The following REEP6 variants were observed in gnomAD, a reference collection of about 807,000 sequenced individuals.
REEP6 encodes receptor accessory protein 6.
Under a neutral mutation model 22.4 loss-of-function variants are expected in REEP6, and 19 were observed. The ratio of observed to expected loss-of-function variants is 0.85; its 90% confidence interval spans 0.59 to 1.25. The LOEUF (loss-of-function observed/expected upper bound fraction) is 1.25, where lower values mean the gene tolerates loss of function less well. Ranked by LOEUF, REEP6 falls within the 50% of genes most tolerant of loss-of-function variation. The pLI is 0.00. For synonymous variants in REEP6, 121 were observed against 113.6 expected, an observed-to-expected ratio of 1.06 and a Z score of -0.41; for missense variants, 273 against 251.9, an observed-to-expected ratio of 1.08 and a Z score of -0.57.
chr19:1,497,063 G>A lies in REEP6; in HGVS notation c.518-111G>A. 2 of 901,664 alleles carry A rather than the reference G, an allele frequency of 2.2e-6. No homozygotes were observed. The highest frequency in any genetic ancestry group is 1.6e-6 in the Non-Finnish European group (1 of 614,218). The allele number at this position is 901,664 out of a possible 1,614,324, so 55.9% of individuals were successfully genotyped here. On this transcript the variant is annotated intron_variant, in intron 4 of 4. Coordinates refer to ENST00000233596, the MANE Select transcript of REEP6 (RefSeq NM_138393.4). This position sits in a 1 kb window ranked among gnomAD's most constrained non-coding sequence, Gnocchi z 6.5. ...CATCTCTGCTGAGGGTGGCTGCCCG[G>A]CCCCTCGACTTGTCATGCTCATAGC...
intron 1 of REEP6, among the ~76,000 whole-genome samples, chr19:1,493,287 T>C (rs2145475086): frequency 6.6e-6 from 1 of 152,124 alleles, no homozygotes; most frequent in African/African-American, 2.4e-5. Flanking sequence ...CCCACCTCCT[T>C]TAAATTGACA....
intron 1 of REEP6, among the ~76,000 whole-genome samples, chr19:1,493,397 T>C (rs996151007): frequency 3.9e-5 from 6 of 152,096 alleles, no homozygotes; most frequent in Admixed American, 3.3e-4. Context: ...ACCCCTGACC[T>C]TGGGTGCTTT....
In REEP6 at chr19:1,495,627, G is replaced by T. The variant is rs752972090; in HGVS notation, c.348+20G>T. On this transcript the variant is annotated intron_variant, in intron 3 of 4. Transcript: ENST00000233596. ...GGCAAGGTGGGCCCTGCCAGGGCGG[G>T]CACAGCCGTGGAGCGCATGGGGCTT... The T allele has an allele frequency of 4.3e-6, 7 of 1,613,856 alleles. No individual in the cohort carries two copies. Among genetic ancestry groups the T allele is most frequent in the African/African-American group, 1.3e-5 (1 of 75,068 alleles).
In REEP6 at chr19:1,491,252, C is replaced by T; in HGVS notation, c.-18C>T. ...CCGCGGGCGAGCTCGAGCAGCCAACCCCGGGCGCGTCGGGGCCATGGACGG... is the reference window on the plus strand; with the variant it reads ...CCGCGGGCGAGCTCGAGCAGCCAACTCCGGGCGCGTCGGGGCCATGGACGG... On this transcript the variant is annotated 5_prime_UTR_variant, in exon 1 of 5. Coordinates refer to ENST00000233596, the MANE Select transcript of REEP6 (RefSeq NM_138393.4). The surrounding 1 kb of genome is among the most constrained non-coding windows in gnomAD (Gnocchi z 5.4). 6.9e-7 allele frequency: 1 copy of T among 1,455,500 alleles called. No individual in the cohort carries two copies. The highest frequency in any genetic ancestry group is 9.1e-7 in the Non-Finnish European group (1 of 1,099,986). 90.2% of individuals were successfully genotyped at this position (1,455,500 alleles called of 1,614,324 possible).
chr19:1,494,066 G>C (rs896993058), intron 1 of REEP6, among the ~76,000 whole-genome samples: 2 of 152,152 alleles, frequency 1.3e-5, no homozygotes, highest in Non-Finnish European at 2.9e-5. Flanking sequence ...GACAGAGCAA[G>C]ACTCCATCTC....
chr19:1,497,197 C>T lies in REEP6; in HGVS notation c.541C>T (p.Pro181Ser). ...AGTCAAGCCAAGCCAGACCCCGCAG[C>T]CGAAGGACAAGTGAAGCAGCCCCCT... ...RNVKPSQTPQPKDK is the reference protein window; with the variant it reads ...RNVKPSQTPQSKDK Residue 181 changes from proline (P) to serine (S), a missense_variant, in exon 5 of 5, where the codon CCG (proline) becomes TCG (serine). By Grantham distance (74) the Pro-to-Ser change is moderately conservative (BLOSUM62 -1). Transcript: ENST00000233596. The surrounding 1 kb of genome is among the most constrained non-coding windows in gnomAD (Gnocchi z 6.5). The T allele has an allele frequency of 6.6e-7, 1 of 1,504,842 alleles. No homozygotes were observed. Among genetic ancestry groups the T allele is most frequent in the Non-Finnish European group, 8.9e-7 (1 of 1,127,552 alleles). 93.2% of individuals were successfully genotyped at this position (1,504,842 alleles called of 1,614,324 possible).
At chr19:1,494,318 G>GC (rs2084988387) in intron 1 of REEP6, among the ~76,000 whole-genome samples, 1 of 152,026 alleles carries the variant, frequency 6.6e-6, no homozygotes, top group Non-Finnish European at 1.5e-5. Flanking sequence ...GGGTAGCCCT[G>GC]CCCCCCACCC....
Position 1,497,481 on chromosome 19 carries a change from C to G in REEP6, c.*270C>G. Reference sequence around the variant, plus strand: ...CCTGTCCGGCAGGGCCCAGGGCCAGCGTCGGGCACAGGGCAGCTCCCACTG... The same window carrying G: ...CCTGTCCGGCAGGGCCCAGGGCCAGGGTCGGGCACAGGGCAGCTCCCACTG... On this transcript the variant is annotated 3_prime_UTR_variant, in exon 5 of 5. Coordinates refer to ENST00000233596, the MANE Select transcript of REEP6 (RefSeq NM_138393.4). This position sits in a 1 kb window ranked among gnomAD's most constrained non-coding sequence, Gnocchi z 6.5. The G allele has an allele frequency of 1.4e-6, 1 of 691,530 alleles. No homozygotes were observed. The allele number at this position is 691,530 out of a possible 1,614,324, so 42.8% of individuals were successfully genotyped here. A position where few individuals can be genotyped will look rare whatever the true frequency, so the allele number is the denominator to read the frequency against.
In REEP6 at chr19:1,491,299, C is replaced by T. The variant is rs533860941; in HGVS notation, c.30C>T (p.His10=). 6.8e-7 allele frequency: 1 copy of T among 1,473,678 alleles called. No individual in the cohort carries two copies. The highest frequency in any genetic ancestry group is 2.7e-5 in the Admixed American group (1 of 37,364). The allele number at this position is 1,473,678 out of a possible 1,614,324, so 91.3% of individuals were successfully genotyped here. The change falls in exon 1 of 5, where the codon CAC becomes CAT. Residue 10 remains histidine (H), a synonymous_variant. Transcript: ENST00000233596. This position sits in a 1 kb window ranked among gnomAD's most constrained non-coding sequence, Gnocchi z 5.4. The stretch of plus-strand genomic sequence containing the variant: ...ACGGCCTGAGGCAGCGCGTGGAGCA[C>T]TTCCTGGAGCAAAGGAACCTGGTCA... MDGLRQRVE[H]FLEQRNLVTE... is the part of the protein sequence containing the mutation.
chr19:1,497,740 C>T lies in REEP6; in HGVS notation c.*529C>T, dbSNP rs553454991. ...CGCCAGAAGGAATCGTCGAAACAGC[C>T]TGCCAGCAGCGCCTCAGTGCCCGAG... On this transcript the variant is annotated 3_prime_UTR_variant, in exon 5 of 5. Transcript: ENST00000233596. This position sits in a 1 kb window ranked among gnomAD's most constrained non-coding sequence, Gnocchi z 6.5. 4 of 471,244 alleles carry T rather than the reference C, an allele frequency of 8.5e-6. No individual in the cohort carries two copies. The highest frequency in any genetic ancestry group is 3.2e-4 in the Middle Eastern group (1 of 3,078). 29.2% of individuals were successfully genotyped at this position (471,244 alleles called of 1,614,324 possible).
chr19:1,496,558 T>G (rs2145479217), intron 4 of REEP6, 105 bp downstream of exon 4: 1 of 1,300,064 alleles, frequency 7.7e-7, no homozygotes, highest in South Asian at 1.3e-5. Context: ...CCTCTCACTG[T>G]CCGCCTCTCT....
Position 1,497,818 on chromosome 19 carries a change from C to T in REEP6, c.*607C>T. ...CTGGAGTACACTTCGGAGTCCACCA[C>T]CGAGATCACCTGCAGCTGGCCACAC... is the stretch of plus-strand genomic sequence containing the variant. On this transcript the variant is annotated 3_prime_UTR_variant, in exon 5 of 5. Coordinates refer to ENST00000233596, the MANE Select transcript of REEP6 (RefSeq NM_138393.4). The surrounding 1 kb of genome is among the most constrained non-coding windows in gnomAD (Gnocchi z 6.5). 2.1e-6 allele frequency: 1 copy of T among 470,712 alleles called. No homozygotes were observed. Among genetic ancestry groups the T allele is most frequent in the Non-Finnish European group, 4.4e-6 (1 of 227,022 alleles). The allele number at this position is 470,712 out of a possible 1,614,324, so 29.2% of individuals were successfully genotyped here. A position where few individuals can be genotyped will look rare whatever the true frequency, so the allele number is the denominator to read the frequency against.
Position 1,491,382 on chromosome 19 carries a change from C to T in REEP6, c.113C>T (p.Ala38Val). Residue 38 changes from alanine to valine, a missense_variant and splice_region_variant, in exon 1 of 5, where the codon GCA (alanine) becomes GTA (valine). Coordinates refer to ENST00000233596, the MANE Select transcript of REEP6 (RefSeq NM_138393.4). This position sits in a 1 kb window ranked among gnomAD's most constrained non-coding sequence, Gnocchi z 5.4. ...KTGVEKRYLA[A>V]GAVTLLSLYL... ...GGGGTGGAGAAGCGGTATCTGGCTGCAGGTGAGCCGTCGGCGCTAGCCCGT... is the reference window on the plus strand; with the variant it reads ...GGGGTGGAGAAGCGGTATCTGGCTGTAGGTGAGCCGTCGGCGCTAGCCCGT... 1 of 1,449,274 alleles carries T rather than the reference C, an allele frequency of 6.9e-7. No homozygotes were observed. The highest frequency in any genetic ancestry group is 9.1e-7 in the Non-Finnish European group (1 of 1,101,168). 89.8% of individuals were successfully genotyped at this position (1,449,274 alleles called of 1,614,324 possible). A position where few individuals can be genotyped will look rare whatever the true frequency, so the allele number is the denominator to read the frequency against.
At chr19:1,495,088 C>T (rs902128707) in intron 1 of REEP6, among the ~76,000 whole-genome samples, 5 of 152,210 alleles carry the variant, frequency 3.3e-5, no homozygotes, top group Non-Finnish European at 5.9e-5. Flanking sequence ...GACATGGACA[C>T]GTTGACCAGT....
At position 1,497,135 on chromosome 19, in the gene REEP6, T is replaced by G; in HGVS notation, c.518-39T>G. The G allele has an allele frequency of 3.1e-6, 4 of 1,300,824 alleles. No homozygotes were observed. Among genetic ancestry groups the G allele is most frequent in the Non-Finnish European group, 4.2e-6 (4 of 960,664 alleles). 80.6% of individuals were successfully genotyped at this position (1,300,824 alleles called of 1,614,324 possible). ...CGAGCAGCTCCGGGGAGCCCAGGCC[T>G]GCCTCACGGCCCTCCCCCACCCGCC... On this transcript the variant is annotated intron_variant, in intron 4 of 4. Transcript: ENST00000233596. This position sits in a 1 kb window ranked among gnomAD's most constrained non-coding sequence, Gnocchi z 6.5.
At position 1,496,408 on chromosome 19, in the gene REEP6, C is replaced by T. The variant is rs1389317515; in HGVS notation, c.472C>T (p.Leu158Phe). Residue 158 changes from leucine to phenylalanine, a missense_variant, in exon 4 of 5, where the codon CTC (leucine) becomes TTC (phenylalanine). Leu to Phe is a conservative substitution (Grantham distance 22). Coordinates refer to ENST00000233596, the MANE Select transcript of REEP6 (RefSeq NM_138393.4). ...HGAVDRIMNDLSGRALDAAAG... is the reference protein window; with the variant it reads ...HGAVDRIMNDFSGRALDAAAG... ...GGCCGTAGACAGAATCATGAACGACCTCAGCGGGCGAGCCCTGGACGCGGC... is the reference window on the plus strand; with the variant it reads ...GGCCGTAGACAGAATCATGAACGACTTCAGCGGGCGAGCCCTGGACGCGGC... 2 of 1,613,052 alleles carry T rather than the reference C, an allele frequency of 1.2e-6. No individual in the cohort carries two copies. The highest frequency in any genetic ancestry group is 3.3e-5 in the Admixed American group (2 of 60,002).
In REEP6 at chr19:1,497,111, G is replaced by T; in HGVS notation, c.518-63G>T. On this transcript the variant is annotated intron_variant, in intron 4 of 4. Transcript: ENST00000233596. This position sits in a 1 kb window ranked among gnomAD's most constrained non-coding sequence, Gnocchi z 6.5. The stretch of plus-strand genomic sequence containing the variant: ...AGCCAGTAGCCTCAGTCCCGCCTGC[G>T]AGCAGCTCCGGGGAGCCCAGGCCTG... The T allele has an allele frequency of 7.8e-7, 1 of 1,286,366 alleles. No individual in the cohort carries two copies. The highest frequency in any genetic ancestry group is 1.0e-6 in the Non-Finnish European group (1 of 954,122). The allele number at this position is 1,286,366 out of a possible 1,614,324, so 79.7% of individuals were successfully genotyped here.
In REEP6 at chr19:1,491,227, C is replaced by G. The variant is rs773548842; in HGVS notation, c.-43C>G. On this transcript the variant is annotated 5_prime_UTR_variant, in exon 1 of 5. Transcript: ENST00000233596. The surrounding 1 kb of genome is among the most constrained non-coding windows in gnomAD (Gnocchi z 5.4). ...CGTGCAGCGGGGTGGGTGCCCTGGT[C>G]CGCGGGCGAGCTCGAGCAGCCAACC... is the stretch of plus-strand genomic sequence containing the variant. The G allele has an allele frequency of 5.8e-6, 8 of 1,382,098 alleles. No individual in the cohort carries two copies. The highest frequency in any genetic ancestry group is 7.7e-6 in the Non-Finnish European group (8 of 1,040,102). The allele number at this position is 1,382,098 out of a possible 1,614,324, so 85.6% of individuals were successfully genotyped here.
chr19:1,495,229 C>T, intron 1 of REEP6, 65 bp from the exon 2 acceptor site: 2 of 1,525,260 alleles, frequency 1.3e-6, no homozygotes, highest in Non-Finnish European at 9.0e-7. Flanking sequence ...GAAAGGCGGC[C>T]TGGGTACCGT....
Sources: gnomAD v4.1 joint callset for allele counts (sites outside exome capture counted in the v4.1 genomes callset) on GRCh38, gnomAD v4.1.1 for gene constraint, Gnocchi (gnomAD v3.1) non-coding constraint, MANE v1.5 for transcripts, NCBI Gene and HGNC (gene_info 2026-07-23, HGNC 2026-07-21) for gene names.